Variants in PHC1 observed in about 807,000 individuals in gnomAD.
PHC1 encodes the protein polyhomeotic homolog 1, also known as polyhomeotic-like protein 1.
A neutral mutation model predicts 104.3 loss-of-function variants in PHC1; 12 were observed. The ratio of observed to expected loss-of-function variants is 0.12; its 90% CI spans 0.07 to 0.19. The LOEUF is 0.19. Ranked by LOEUF, PHC1 falls within the 10% of genes least tolerant of loss-of-function variation. The probability of loss-of-function intolerance (pLI) is 1.00; values close to 1 mark genes in which losing one functional copy is unlikely to be tolerated. For synonymous variants in PHC1, 302 were observed against 455.8 expected (o/e 0.66, Z 4.30); for missense variants, 671 against 1,200.0 (o/e 0.56, Z 6.51).
At chr12:8,918,917 A>G (rs1466542977) in intron 2 of PHC1, among the ~76,000 whole-genome samples, 1 of 152,152 alleles carries the variant, frequency 6.6e-6, no homozygotes, top group African/African-American at 2.4e-5. Flanking sequence ...CCTACTCCGT[A>G]CCTAGGTTAT....
intron 3 of PHC1, among the ~76,000 whole-genome samples, chr12:8,920,579 G>A (rs746626508): frequency 6.6e-6 from 1 of 152,166 alleles, no homozygotes; most frequent in South Asian, 2.1e-4. Flanking sequence ...GTGGTGGTGT[G>A]CACCTGTGAT....
rs67936637 is a variant in PHC1, at chr12:8,923,829, CA to C, written c.612+1058del. ...TGGGCGACAGAGCGAGACTCCGTCT[CA>C]AAAAAAAAAAAAAAAAGAAAATATT... On this transcript the variant is annotated intron_variant, in intron 6 of 14. Transcript: ENST00000544916. 6.0e-4 allele frequency among the ~76,000 whole-genome samples: 74 copies of C among 122,426 alleles called. 1 individual carries two copies. Among genetic ancestry groups the C allele is most frequent in the African/African-American group, 1.7e-3 (49 of 29,162 alleles). The allele number at this position is 122,426 out of a possible 152,430, so 80.3% of individuals were successfully genotyped here.
chr12:8,931,943 A>T (rs1036147030), intron 7 of PHC1, among the ~76,000 whole-genome samples: 1 of 152,166 alleles, frequency 6.6e-6, no homozygotes, highest in East Asian at 1.9e-4. Context: ...TACAATATGG[A>T]GAAGTAGAGT....
Position 8,939,482 on chromosome 12 carries a change from G to A in PHC1, c.*23G>A. ...TAAGGTGGCCCTCTTGCACAAACCA[G>A]CCTAAGGCAGACACTCTCCACTGTC... On this transcript the variant is annotated 3_prime_UTR_variant, in exon 15 of 15. Coordinates refer to ENST00000544916, the MANE Select transcript of PHC1 (RefSeq NM_004426.3). 7.4e-7 allele frequency: 1 copy of A among 1,354,526 alleles called. No individual in the cohort carries two copies. The highest frequency in any genetic ancestry group is 2.5e-5 in the East Asian group (1 of 40,458). The allele number at this position is 1,354,526 out of a possible 1,614,324, so 83.9% of individuals were successfully genotyped here.
intron 6 of PHC1, among the ~76,000 whole-genome samples, chr12:8,929,538 T>G (rs1945622602): frequency 1.3e-5 from 2 of 151,856 alleles, no homozygotes; most frequent in Non-Finnish European, 2.9e-5. Context: ...TGTCTTTTTT[T>G]TTTTTTCTGG....
intron 3 of PHC1, among the ~76,000 whole-genome samples, chr12:8,920,695 G>A (rs1481909945): frequency 6.6e-6 from 1 of 152,174 alleles, no homozygotes; most frequent in Non-Finnish European, 1.5e-5. Context: ...GTGAAAGAGC[G>A]AGACTCCTTC....
At chr12:8,924,538 A>G (rs1945461957) in intron 6 of PHC1, among the ~76,000 whole-genome samples, 1 of 152,236 alleles carries the variant, frequency 6.6e-6, no homozygotes, top group Admixed American at 6.5e-5. Flanking sequence ...GAGTTTGGAA[A>G]AGAATTGGTT....
intron 6 of PHC1, 116 bp downstream of exon 6, chr12:8,922,904 TTTTG>T (rs1371185937): frequency 1.1e-6 from 1 of 930,570 alleles, no homozygotes; most frequent in Non-Finnish European, 1.6e-6. Flanking sequence ...ACTTTTTGTG[TTTTG>T]TTTTTCCTTC....
rs765710186 is a variant in PHC1, at chr12:8,936,103, G to A, written c.2369-753G>A. ...TACTCTATAGATGTATTTTTTGGCC[G>A]AGTGTGATGACTCTCACCTATAATT... On this transcript the variant is annotated intron_variant, in intron 11 of 14. Transcript: ENST00000544916. 5.3e-5 allele frequency among the ~76,000 whole-genome samples: 8 copies of A among 152,216 alleles called. No individual in the cohort carries two copies. The East Asian group carries it at 9.7e-4, about 18-fold the overall frequency.
chr12:8,920,578 T>C lies in PHC1; in HGVS notation c.226-407T>C, dbSNP rs1945333284. Among the ~76,000 whole-genome samples the C allele has an allele frequency of 1.3e-5, 2 of 152,170 alleles. 1 individual carries two copies. The highest frequency in any genetic ancestry group is 1.3e-4 in the Admixed American group (2 of 15,280). ...CAAAAATTAGCTGGGCGTGGTGGTG[T>C]GCACCTGTGATCCTAGCTACTCTGG... On this transcript the variant is annotated intron_variant, in intron 3 of 14. Coordinates refer to ENST00000544916, the MANE Select transcript of PHC1 (RefSeq NM_004426.3).
intron 6 of PHC1, among the ~76,000 whole-genome samples, chr12:8,927,913 C>A (rs201852512): frequency 3.1e-4 from 11 of 35,742 alleles, no homozygotes; most frequent in African/African-American, 1.3e-3. Context: ...TTCTTTCTTT[C>A]TTTTTTTTTT....
chr12:8,921,407 T>G (rs896565759), intron 4 of PHC1, among the ~76,000 whole-genome samples, 194 bp from the exon 5 acceptor site: 1 of 151,972 alleles, frequency 6.6e-6, no homozygotes, highest in Non-Finnish European at 1.5e-5. Flanking sequence ...AGACTGTTGG[T>G]TTTTTTTCAC....
chr12:8,923,229 A>C (rs1378713634), intron 6 of PHC1, among the ~76,000 whole-genome samples: 2 of 152,206 alleles, frequency 1.3e-5, no homozygotes, highest in Admixed American at 6.5e-5. Flanking sequence ...TCTAGTTCTC[A>C]ACTTTCAGTC....
chr12:8,933,228 C>T lies in PHC1; in HGVS notation c.1771C>T (p.Pro591Ser). 1.3e-6 allele frequency: 2 copies of T among 1,494,164 alleles called. No individual in the cohort carries two copies. Among genetic ancestry groups the T allele is most frequent in the East Asian group, 2.5e-5 (1 of 39,892 alleles). 92.6% of individuals were successfully genotyped at this position (1,494,164 alleles called of 1,614,324 possible). A position where few individuals can be genotyped will look rare whatever the true frequency, so the allele number is the denominator to read the frequency against. ...ALQECPPTLA[P>S]GMTLAPVQGT... ...GCAGGAGTGCCCTCCCACATTGGCCCCTGGGATGACCCTTGCTCCTGTGCA... is the reference window on the plus strand; with the variant it reads ...GCAGGAGTGCCCTCCCACATTGGCCTCTGGGATGACCCTTGCTCCTGTGCA... Residue 591 changes from proline (P) to serine (S), a missense_variant, in exon 8 of 15, where the codon CCT (proline) becomes TCT (serine). Transcript: ENST00000544916.
chr12:8,931,370 G>A (rs1235924061), intron 7 of PHC1, among the ~76,000 whole-genome samples: 2 of 152,238 alleles, frequency 1.3e-5, no homozygotes, highest in Non-Finnish European at 2.9e-5. Flanking sequence ...TTGATCCAGT[G>A]TATAGCAGAT....
At chr12:8,922,561 C>G (rs1325307456) in intron 5 of PHC1, 72 bp from the exon 6 acceptor site, 6 of 1,345,966 alleles carry the variant, frequency 4.5e-6, no homozygotes, top group Non-Finnish European at 6.2e-6. Flanking sequence ...TCTTGTGGTC[C>G]TTCCTTTCCA....
At chr12:8,925,799 G>T (rs531733866) in intron 6 of PHC1, among the ~76,000 whole-genome samples, 6 of 152,200 alleles carry the variant, frequency 3.9e-5, no homozygotes, top group Non-Finnish European at 8.8e-5. Flanking sequence ...GTCATAGAGA[G>T]ATTTGGATGT....
intron 6 of PHC1, among the ~76,000 whole-genome samples, chr12:8,928,751 GT>G (rs749195693): frequency 5.3e-5 from 8 of 152,110 alleles, no homozygotes; most frequent in Non-Finnish European, 1.0e-4. Flanking sequence ...CAGACACCAT[GT>G]ATATATTTTA....
chr12:8,922,738 C>T lies in PHC1; in HGVS notation c.562C>T (p.Gln188Ter). The T allele has an allele frequency of 1.2e-6, 2 of 1,612,582 alleles. No homozygotes were observed. The highest frequency in any genetic ancestry group is 1.7e-6 in the Non-Finnish European group (2 of 1,179,428). ...MPNGAVAAVQ[Q>*]EVPSAQSPGV... is the part of the protein sequence containing the mutation. Reference sequence around the variant, plus strand: ...TAATGGGGCGGTGGCTGCAGTCCAGCAGGAGGTGCCATCTGCTCAGTCTCC... The same window carrying T: ...TAATGGGGCGGTGGCTGCAGTCCAGTAGGAGGTGCCATCTGCTCAGTCTCC... The change falls in exon 6 of 15, where the codon CAG becomes TAG. Residue 188 changes from glutamine (Q) to a stop codon, truncating the protein, a stop_gained. Transcript: ENST00000544916. LOFTEE classifies it high-confidence loss of function.
Sources: gnomAD v4.1 joint callset for allele counts (sites outside exome capture counted in the v4.1 genomes callset) on GRCh38, gnomAD v4.1.1 for gene constraint, MANE v1.5 for transcripts, NCBI Gene and HGNC (gene_info 2026-07-23, HGNC 2026-07-21) for gene names.